SNCG: variants seen among roughly 807,000 people sequenced by gnomAD.
SNCG encodes synuclein gamma, also known as gamma-synuclein.
Under a neutral mutation model 16.0 loss-of-function variants are expected in SNCG, and 13 were observed. The ratio of observed to expected loss-of-function variants is 0.81; its 90% CI spans 0.53 to 1.29. The LOEUF (loss-of-function observed/expected upper bound fraction) is 1.29. Ranked by LOEUF, SNCG falls within the 50% of genes most tolerant of loss-of-function variation. The pLI, the probability that SNCG is intolerant of heterozygous loss-of-function variation, is 0.00. For missense variants in SNCG, 154 were observed against 168.5 expected (o/e 0.91, Z 0.48); for synonymous variants, 66 against 66.3 (o/e 1.00, Z 0.02).
chr10:86,963,128 T>G lies in SNCG; in HGVS notation c.*143T>G. Reference sequence around the variant, plus strand: ...CGTCTCCCTGGCCACCCTTGGCCTGTCCACCTGTGCTGCTGCACCAACCTC... The same window carrying G: ...CGTCTCCCTGGCCACCCTTGGCCTGGCCACCTGTGCTGCTGCACCAACCTC... On this transcript the variant is annotated 3_prime_UTR_variant, in exon 5 of 5. Coordinates refer to ENST00000372017, the MANE Select transcript of SNCG (RefSeq NM_003087.3). 1.3e-6 allele frequency: 1 copy of G among 758,034 alleles called. No homozygotes were observed. The highest frequency in any genetic ancestry group is 2.0e-6 in the Non-Finnish European group (1 of 488,936). The allele number at this position is 758,034 out of a possible 1,614,324, so 47.0% of individuals were successfully genotyped here. A position where few individuals can be genotyped will look rare whatever the true frequency, so the allele number is the denominator to read the frequency against.
intron 4 of SNCG, 85 bp from the exon 5 acceptor site, chr10:86,962,880 A>C: frequency 1.3e-6 from 2 of 1,489,736 alleles, no homozygotes; most frequent in Non-Finnish European, 1.8e-6. Context: ...CATGGGGCAC[A>C]GAAGACAACT....
intron 3 of SNCG, among the ~76,000 whole-genome samples, chr10:86,960,496 C>T (rs1005534075): frequency 2.0e-5 from 3 of 152,114 alleles, no homozygotes; most frequent in African/African-American, 7.2e-5. Context: ...GTCACCAGGC[C>T]GGGGGCTGAG....
rs1844303150 is a variant in SNCG at position 86,959,569 on chromosome 10, T to C, written c.122-64T>C. ...CAGTTTGTCCAGCTGTTCTGTTGTG[T>C]TTGTCCTGACCGCCCCCAACACCTC... On this transcript the variant is annotated intron_variant, in intron 1 of 4. Transcript: ENST00000372017. The surrounding 1 kb of genome is among the most constrained non-coding windows in gnomAD (Gnocchi z 4.3). The C allele has an allele frequency of 6.8e-7, 1 of 1,473,924 alleles. No homozygotes were observed. The highest frequency in any genetic ancestry group is 1.4e-5 in the African/African-American group (1 of 71,906). The allele number at this position is 1,473,924 out of a possible 1,614,324, so 91.3% of individuals were successfully genotyped here.
At chr10:86,960,336 C>G (rs1844321755) in intron 3 of SNCG, among the ~76,000 whole-genome samples, 2 of 152,200 alleles carry the variant, frequency 1.3e-5, no homozygotes, top group South Asian at 4.1e-4. Context: ...CCACAACCAC[C>G]CCTTCGGGGG....
intron 3 of SNCG, among the ~76,000 whole-genome samples, chr10:86,960,413 G>A (rs1227697267): frequency 6.6e-6 from 1 of 152,160 alleles, no homozygotes; most frequent in African/African-American, 2.4e-5. Context: ...ACGGCTCTCA[G>A]CACTTAGGAG....
In SNCG at chr10:86,963,171, C is replaced by A; in HGVS notation, c.*186C>A. ...CCAACCTCACTGCCCTCCCTCGGCC[C>A]CACCCACCCTCTGGTCCTTCTGACC... On this transcript the variant is annotated 3_prime_UTR_variant, in exon 5 of 5. Coordinates refer to ENST00000372017, the MANE Select transcript of SNCG (RefSeq NM_003087.3). 1 of 480,914 alleles carries A rather than the reference C, an allele frequency of 2.1e-6. No homozygotes were observed. 29.8% of individuals were successfully genotyped at this position (480,914 alleles called of 1,614,324 possible).
At position 86,959,764 on chromosome 10, in the gene SNCG, C is replaced by T; in HGVS notation, c.163+90C>T. 1 of 1,366,402 alleles carries T rather than the reference C, an allele frequency of 7.3e-7. No homozygotes were observed. The allele number at this position is 1,366,402 out of a possible 1,614,324, so 84.6% of individuals were successfully genotyped here. On this transcript the variant is annotated intron_variant, in intron 2 of 4. Transcript: ENST00000372017. This position sits in a 1 kb window ranked among gnomAD's most constrained non-coding sequence, Gnocchi z 4.3. The stretch of plus-strand genomic sequence containing the variant: ...GCTGGGGCTCAAACCTAGAGTCCTG[C>T]CTTACCCCCAACTGGGGTCCCAAGC...
chr10:86,957,782 G>A, upstream of SNCG: 2 of 1,323,746 alleles, frequency 1.5e-6, no homozygotes, highest in Non-Finnish European at 1.9e-6. Context: ...CTTGGCTCAG[G>A]GACTCTGGGA....
intron 3 of SNCG, among the ~76,000 whole-genome samples, chr10:86,961,775 A>C (rs1589314054): frequency 6.6e-6 from 1 of 150,988 alleles, no homozygotes; most frequent in Non-Finnish European, 1.5e-5. Context: ...AGCCTGGCCG[A>C]CTCCCGCCAG....
At chr10:86,960,529 G>A (rs1844326165) in intron 3 of SNCG, among the ~76,000 whole-genome samples, 1 of 152,136 alleles carries the variant, frequency 6.6e-6, no homozygotes, top group Non-Finnish European at 1.5e-5. Context: ...CGCCCCCAGG[G>A]CCTAGCCTCC....
Position 86,960,102 on chromosome 10 carries a change from G to A in SNCG, c.265G>A (p.Ala89Thr), listed in dbSNP as rs149234389. The change falls in exon 3 of 5, where the codon GCG (alanine) becomes ACG (threonine). Residue 89 changes from alanine to threonine, a missense_variant. Coordinates refer to ENST00000372017, the MANE Select transcript of SNCG (RefSeq NM_003087.3). Reference sequence around the variant, plus strand: ...GACCGTGGAGGAGGCGGAGAACATCGCGGTCACCTCCGGGGTGGTGCGCAA... The same window carrying A: ...GACCGTGGAGGAGGCGGAGAACATCACGGTCACCTCCGGGGTGGTGCGCAA... ...TKTVEEAENI[A>T]VTSGVVRKED... 272 of 1,613,210 alleles carry A rather than the reference G, an allele frequency of 1.7e-4. No individual in the cohort carries two copies. In the African/African-American group the frequency reaches 2.6e-3, roughly 15 times the overall value.
intron 3 of SNCG, among the ~76,000 whole-genome samples, chr10:86,960,545 T>C (rs1844326500): frequency 6.6e-6 from 1 of 152,046 alleles, no homozygotes. Context: ...CCTCCCTCCC[T>C]GGGCTGGGCG....
At chr10:86,958,927 C>T (rs1056548418) in intron 1 of SNCG, 109 bp downstream of exon 1, 28 of 1,238,348 alleles carry the variant, frequency 2.3e-5, no homozygotes, top group African/African-American at 7.5e-5. Context: ...TGGGAGGGGG[C>T]GAGGCCCTGG....
At chr10:86,958,961 C>G (rs1844287633) in intron 1 of SNCG, 143 bp downstream of exon 1, 1 of 840,694 alleles carries the variant, frequency 1.2e-6, no homozygotes, top group Non-Finnish European at 1.8e-6. Context: ...GTCTCCAGAC[C>G]CTGGAGCACC....
In SNCG at chr10:86,962,705, G is replaced by T. The variant is rs74150419; in HGVS notation, c.363+30G>T. Reference sequence around the variant, plus strand: ...GAGCTGGGCTCCTGGGGTGCACCATGGGGGGTTCCTTGGTAGGGACCCCAT... The same window carrying T: ...GAGCTGGGCTCCTGGGGTGCACCATTGGGGGTTCCTTGGTAGGGACCCCAT... On this transcript the variant is annotated intron_variant, in intron 4 of 4. Coordinates refer to ENST00000372017, the MANE Select transcript of SNCG (RefSeq NM_003087.3). 2.8e-3 allele frequency: 4,451 copies of T among 1,567,042 alleles called. 96 individuals carry two copies. In the African/African-American group the frequency reaches 0.051, roughly 18 times the overall value.
Position 86,963,054 on chromosome 10 carries a change from C to A in SNCG, c.*69C>A. ...CCTTGGACACCATCCCCTCCTAGCA[C>A]AAGGAGTGCCCGCCTTGAGTGACAT... is the stretch of plus-strand genomic sequence containing the variant. On this transcript the variant is annotated 3_prime_UTR_variant, in exon 5 of 5. Coordinates refer to ENST00000372017, the MANE Select transcript of SNCG (RefSeq NM_003087.3). The A allele has an allele frequency of 1.3e-6, 2 of 1,486,008 alleles. No homozygotes were observed. Among genetic ancestry groups the A allele is most frequent in the Non-Finnish European group, 1.8e-6 (2 of 1,092,256 alleles). The allele number at this position is 1,486,008 out of a possible 1,614,324, so 92.1% of individuals were successfully genotyped here. A position where few individuals can be genotyped will look rare whatever the true frequency, so the allele number is the denominator to read the frequency against.
Position 86,959,591 on chromosome 10 carries a change from C to A in SNCG, c.122-42C>A. On this transcript the variant is annotated intron_variant, in intron 1 of 4. Coordinates refer to ENST00000372017, the MANE Select transcript of SNCG (RefSeq NM_003087.3). This position sits in a 1 kb window ranked among gnomAD's most constrained non-coding sequence, Gnocchi z 4.3. ...GTGTTTGTCCTGACCGCCCCCAACACCTCGAGGGAGGTCTGGGCTGACAGC... is the reference window on the plus strand; with the variant it reads ...GTGTTTGTCCTGACCGCCCCCAACAACTCGAGGGAGGTCTGGGCTGACAGC... 3.7e-6 allele frequency: 6 copies of A among 1,603,372 alleles called. No homozygotes were observed. Among genetic ancestry groups the A allele is most frequent in the Non-Finnish European group, 5.1e-6 (6 of 1,170,558 alleles).
chr10:86,956,859 T>G (rs1844243108), upstream of SNCG, among the ~76,000 whole-genome samples: 1 of 152,214 alleles, frequency 6.6e-6, no homozygotes, highest in Non-Finnish European at 1.5e-5. Context: ...CTGGGTCCAG[T>G]TGCAAGACCA....
In SNCG at chr10:86,959,925, G is replaced by A. The variant is rs1014845409; in HGVS notation, c.164-76G>A. The A allele has an allele frequency of 6.5e-7, 1 of 1,544,436 alleles. No homozygotes were observed. Among genetic ancestry groups the A allele is most frequent in the African/African-American group, 1.4e-5 (1 of 73,030 alleles). On this transcript the variant is annotated intron_variant, in intron 2 of 4. Coordinates refer to ENST00000372017, the MANE Select transcript of SNCG (RefSeq NM_003087.3). The surrounding 1 kb of genome is among the most constrained non-coding windows in gnomAD (Gnocchi z 4.3). ...GCCAGGGCTCTGAGCTCCTGGGAAGGGGCTGCGAGCCTGACTCCAGCAGGC... is the reference window on the plus strand; with the variant it reads ...GCCAGGGCTCTGAGCTCCTGGGAAGAGGCTGCGAGCCTGACTCCAGCAGGC...
Sources: allele counts gnomAD v4.1 joint callset (sites outside exome capture counted in the v4.1 genomes callset), GRCh38; gene constraint gnomAD v4.1.1; non-coding constraint Gnocchi (gnomAD v3.1); transcripts MANE v1.5; gene names NCBI Gene and HGNC (gene_info 2026-07-23, HGNC 2026-07-21).